The following TPRG1 variants were observed in gnomAD, a reference collection of about 807,000 sequenced individuals.
The protein encoded by TPRG1 is tumor protein p63 regulated 1, also known as tumor protein p63-regulated gene 1 protein.
In TPRG1, 29 loss-of-function variants were observed where a neutral mutation model predicts 29.3. The ratio of observed to expected loss-of-function variants is 0.99; its 90% CI spans 0.74 to 1.35. TPRG1 has a LOEUF of 1.35. Among genes scored for constraint, TPRG1 ranks in the 40% most tolerant of loss-of-function variants. The pLI is 0.00. For synonymous variants in TPRG1, 130 were observed against 116.8 expected, an observed-to-expected ratio of 1.11 and a Z score of -0.73; for missense variants, 327 against 335.0, an observed-to-expected ratio of 0.98 and a Z score of 0.19.
chr3:189,023,553 G>T (rs1321530694), intron 3 of TPRG1, among the ~76,000 whole-genome samples: 1 of 152,158 alleles, frequency 6.6e-6, no homozygotes, highest in African/African-American at 2.4e-5. Flanking sequence ...GAGAGGTGTT[G>T]CAGTCATTTG....
At chr3:189,037,763 T>C (rs577667062) in intron 4 of TPRG1, among the ~76,000 whole-genome samples, 62 of 151,900 alleles carry the variant, frequency 4.1e-4, no homozygotes, top group African/African-American at 1.5e-3. Context: ...GGATAAAATA[T>C]ATTAAACAAC....
intron 1 of TPRG1, among the ~76,000 whole-genome samples, chr3:189,122,743 A>G (rs1384900362): frequency 2.0e-5 from 3 of 152,208 alleles, no homozygotes; most frequent in Non-Finnish European, 2.9e-5. Flanking sequence ...ATTTATGTGC[A>G]TAAGTTGTCA....
intron 3 of TPRG1, among the ~76,000 whole-genome samples, chr3:189,226,931 A>G (rs9822738): frequency 0.14 from 21,991 of 152,042 alleles, 1,896 homozygotes; most frequent in South Asian, 0.33. Context: ...ATAGCTAACA[A>G]TTCTACACAT....
intron 4 of TPRG1, among the ~76,000 whole-genome samples, chr3:189,264,685 A>G (rs1012834675): frequency 6.6e-6 from 1 of 152,176 alleles, no homozygotes; most frequent in African/African-American, 2.4e-5. Flanking sequence ...TTTTAAGAAA[A>G]CACAAAGCAC....
intron 4 of TPRG1, among the ~76,000 whole-genome samples, chr3:189,276,806 C>G (rs964525848): frequency 6.6e-6 from 1 of 152,124 alleles, no homozygotes; most frequent in Non-Finnish European, 1.5e-5. Flanking sequence ...CCCCCTTAAG[C>G]AAGCTGCTTC....
In TPRG1 at chr3:189,321,449, A is replaced by G. The variant is rs145098403; in HGVS notation, c.*629A>G. 2 of 152,178 alleles carry G rather than the reference A, an allele frequency of 1.3e-5. No homozygotes were observed. The highest frequency in any genetic ancestry group is 1.9e-4 in the East Asian group (1 of 5,186). 9.4% of individuals were successfully genotyped at this position (152,178 alleles called of 1,614,324 possible). A position where few individuals can be genotyped will look rare whatever the true frequency, so the allele number is the denominator to read the frequency against. ...TTTTGATTTCTCTAAATTCCTTGCC[A>G]TGACATCCTATATATGATCACATCT... On this transcript the variant is annotated 3_prime_UTR_variant, in exon 6 of 6. Coordinates refer to ENST00000345063, the MANE Select transcript of TPRG1 (RefSeq NM_198485.4).
chr3:189,189,317 G>T (rs1338649999), intron 1 of TPRG1, among the ~76,000 whole-genome samples: 2 of 151,478 alleles, frequency 1.3e-5, no homozygotes, highest in African/African-American at 4.9e-5. Context: ...TCTTTCTATT[G>T]TATTTGTACA....
intron 1 of TPRG1, among the ~76,000 whole-genome samples, chr3:189,198,676 T>A (rs2108768855): frequency 6.6e-6 from 1 of 152,344 alleles, no homozygotes; most frequent in East Asian, 1.9e-4. Flanking sequence ...ATCATGCCCA[T>A]ACTAAGTGCT....
At chr3:189,057,827 TAC>T (rs1163764683) in intron 4 of TPRG1, among the ~76,000 whole-genome samples, 1,590 of 145,136 alleles carry the variant, frequency 0.011, 28 homozygotes, top group African/African-American at 0.037. Flanking sequence ...TGTATATATA[TAC>T]ACACATATGT....
rs953697602 is a variant in TPRG1, at chr3:189,011,377, A to T, written c.-660+6617A>T. Among the ~76,000 whole-genome samples, 4 of 152,210 alleles carry T rather than the reference A, an allele frequency of 2.6e-5. No individual in the cohort carries two copies. In the East Asian group the frequency reaches 7.7e-4, roughly 29 times the overall value. The stretch of plus-strand genomic sequence containing the variant: ...TAGGATAGCCATTTTCACGATATTG[A>T]TTCCTTCTATCTGTATTAGTTCATT... On this transcript the variant is annotated intron_variant, in intron 3 of 10. Coordinates refer to the TPRG1 transcript ENST00000433971.
At chr3:189,021,927 G>A (rs139775140) in intron 3 of TPRG1, among the ~76,000 whole-genome samples, 10,688 of 152,076 alleles carry the variant, frequency 0.07, 739 homozygotes, top group African/African-American at 0.17. Flanking sequence ...GGCTTTGCTC[G>A]TTTCTTTTTA....
chr3:189,152,825 G>A (rs1327364684), intron 5 of TPRG1, among the ~76,000 whole-genome samples: 1 of 149,500 alleles, frequency 6.7e-6, no homozygotes, highest in East Asian at 2.0e-4. Context: ...TAAAAAGTAG[G>A]ATTGCTACCT....
At chr3:189,301,576 T>TTC (rs2109267400) in intron 4 of TPRG1, among the ~76,000 whole-genome samples, 1 of 152,210 alleles carries the variant, frequency 6.6e-6, no homozygotes, top group African/African-American at 2.4e-5. Context: ...CTCCATTTTT[T>TTC]TTCTTCTTCT....
intron 2 of TPRG1, among the ~76,000 whole-genome samples, chr3:189,209,036 A>G (rs1230489131): frequency 6.6e-6 from 1 of 152,210 alleles, no homozygotes; most frequent in Non-Finnish European, 1.5e-5. Context: ...GTCTGGTGAC[A>G]ATGTTTAACT....
chr3:189,193,396 T>G (rs1732017429), intron 1 of TPRG1, among the ~76,000 whole-genome samples: 1 of 152,142 alleles, frequency 6.6e-6, no homozygotes, highest in Admixed American at 6.6e-5. Flanking sequence ...ACAGAGAAAC[T>G]TTTGGGTTTA....
intron 4 of TPRG1, among the ~76,000 whole-genome samples, chr3:189,242,532 G>T (rs899345951): frequency 6.6e-6 from 1 of 151,966 alleles, no homozygotes; most frequent in Non-Finnish European, 1.5e-5. Flanking sequence ...ATATTTTATG[G>T]ATAATTTTTG....
intron 3 of TPRG1, among the ~76,000 whole-genome samples, chr3:189,011,949 A>T (rs549243054): frequency 6.6e-6 from 1 of 152,188 alleles, no homozygotes; most frequent in African/African-American, 2.4e-5. Context: ...TTGTTTGTGT[A>T]TAGGAATACT....
intron 5 of TPRG1, among the ~76,000 whole-genome samples, chr3:189,318,291 A>C (rs936647205): frequency 1.2e-4 from 19 of 152,306 alleles, no homozygotes; most frequent in Admixed American, 3.9e-4. Context: ...AGCTGTACAG[A>C]CAGCCACATT....
Position 189,038,069 on chromosome 3 carries a change from GA to G in TPRG1, c.-463+14128del, listed in dbSNP as rs201369696. ...GAAACTTAGGTCTAAAATATATTGT[GA>G]AAAACAAAAGTCCATAAGTAAATGA... On this transcript the variant is annotated intron_variant, in intron 4 of 10. Transcript: ENST00000433971. Among the ~76,000 whole-genome samples, 78 of 151,522 alleles carry G rather than the reference GA, an allele frequency of 5.1e-4. No individual in the cohort carries two copies. In the East Asian group the frequency reaches 0.014, roughly 27 times the overall value.
Sources: allele counts gnomAD v4.1 joint callset (sites outside exome capture counted in the v4.1 genomes callset), GRCh38; gene constraint gnomAD v4.1.1; transcripts MANE v1.5; gene names NCBI Gene and HGNC (gene_info 2026-07-23, HGNC 2026-07-21).